The following EPB41L4A variants were observed in gnomAD, a reference collection of about 807,000 sequenced individuals.
EPB41L4A encodes erythrocyte membrane protein band 4.1 like 4A.
Under a neutral mutation model 108.6 loss-of-function variants are expected in EPB41L4A, and 100 were observed. The observed-to-expected ratio is 0.92, with a 90% CI of 0.78 to 1.09. EPB41L4A has a LOEUF of 1.09. Ranked by LOEUF, EPB41L4A falls within the 50% of genes least tolerant of loss-of-function variation. The pLI is 0.00. For missense variants in EPB41L4A, 1,030 were observed against 842.7 expected (o/e 1.22, Z -2.75); for synonymous variants, 319 against 289.0 (o/e 1.10, Z -1.05).
chr5:112,405,116 G>T lies in EPB41L4A; in HGVS notation c.99+13825C>A, dbSNP rs1401747417. ...AAATGACAGGATGTTATAAAAGACT[G>T]TGGCTTCCATCTTGAGCTCGCATTC... is the stretch of plus-strand genomic sequence containing the variant. On this transcript the variant is annotated intron_variant, in intron 1 of 22. Coordinates refer to ENST00000261486, the MANE Select transcript of EPB41L4A (RefSeq NM_022140.5). 2.6e-5 allele frequency among the ~76,000 whole-genome samples: 4 copies of T among 152,224 alleles called. No individual in the cohort carries two copies. The South Asian group carries it at 6.2e-4, about 24-fold the overall frequency.
At chr5:112,264,737 G>A (rs1352280019) in intron 6 of EPB41L4A, 159 bp downstream of exon 6, 2 of 625,692 alleles carry the variant, frequency 3.2e-6, no homozygotes, top group Non-Finnish European at 4.9e-6. Flanking sequence ...AGTTTTCGAT[G>A]AGCATTTTAG....
chr5:112,326,363 G>A (rs1756161467), intron 1 of EPB41L4A, among the ~76,000 whole-genome samples: 1 of 151,986 alleles, frequency 6.6e-6, no homozygotes, highest in Non-Finnish European at 1.5e-5. Flanking sequence ...CACACAAATA[G>A]TTCACCAGAG....
At chr5:112,325,202 G>A (rs1279404762) in intron 1 of EPB41L4A, among the ~76,000 whole-genome samples, 1 of 152,210 alleles carries the variant, frequency 6.6e-6, no homozygotes, top group Non-Finnish European at 1.5e-5. Flanking sequence ...AGTACTTTGG[G>A]AAGCTGAGGC....
intron 1 of EPB41L4A, among the ~76,000 whole-genome samples, chr5:112,357,831 T>G (rs1371338447): frequency 6.6e-6 from 1 of 152,214 alleles, no homozygotes; most frequent in Non-Finnish European, 1.5e-5. Flanking sequence ...GATGGACCAC[T>G]GAGAATGAGC....
At chr5:112,269,152 T>C (rs1042965285) in intron 4 of EPB41L4A, among the ~76,000 whole-genome samples, 17 of 151,952 alleles carry the variant, frequency 1.1e-4, no homozygotes, top group African/African-American at 3.9e-4. Flanking sequence ...TTCTAAAAAC[T>C]GGTAACATCA....
intron 9 of EPB41L4A, among the ~76,000 whole-genome samples, chr5:112,255,361 G>C (rs1751006113): frequency 6.6e-6 from 1 of 151,998 alleles, no homozygotes; most frequent in Admixed American, 6.6e-5. Flanking sequence ...TGGAATTCTG[G>C]GTTAATTTCT....
At position 112,164,426 on chromosome 5, in the gene EPB41L4A, T is replaced by C. The variant is rs1426130312; in HGVS notation, c.*564A>G. On this transcript the variant is annotated 3_prime_UTR_variant, in exon 23 of 23. Coordinates refer to ENST00000261486, the MANE Select transcript of EPB41L4A (RefSeq NM_022140.5). ...CAGATGCATCTGGTCTTGGTTGTGG[T>C]GGACACAGACACAAGATAGAAATGA... is the stretch of plus-strand genomic sequence containing the variant. 6.6e-6 allele frequency: 1 copy of C among 152,206 alleles called. No homozygotes were observed. The highest frequency in any genetic ancestry group is 1.9e-4 in the East Asian group (1 of 5,192). 9.4% of individuals were successfully genotyped at this position (152,206 alleles called of 1,614,324 possible). A position where few individuals can be genotyped will look rare whatever the true frequency, so the allele number is the denominator to read the frequency against.
intron 11 of EPB41L4A, among the ~76,000 whole-genome samples, chr5:112,237,536 C>T (rs1415769754): frequency 6.6e-6 from 1 of 152,114 alleles, no homozygotes. Flanking sequence ...CACCCAGATA[C>T]CTGCATTCAT....
intron 4 of EPB41L4A, among the ~76,000 whole-genome samples, chr5:112,269,937 A>G (rs1752144263): frequency 1.3e-5 from 2 of 152,132 alleles, no homozygotes; most frequent in Admixed American, 6.6e-5. Flanking sequence ...TCTGTACTTA[A>G]CACACTGCCA....
chr5:112,279,782 A>G (rs1191663122), intron 3 of EPB41L4A, among the ~76,000 whole-genome samples: 3 of 152,146 alleles, frequency 2.0e-5, no homozygotes, highest in Non-Finnish European at 4.4e-5. Context: ...GCTAGCTCCC[A>G]AAAATGGTCT....
chr5:112,167,055 T>C (rs1380370444), intron 22 of EPB41L4A, among the ~76,000 whole-genome samples: 1 of 149,232 alleles, frequency 6.7e-6, no homozygotes, highest in Non-Finnish European at 1.5e-5. Flanking sequence ...AGAATATGTG[T>C]AAGTTTTTTT....
chr5:112,165,655 T>A (rs574827433), intron 22 of EPB41L4A, among the ~76,000 whole-genome samples: 5 of 152,204 alleles, frequency 3.3e-5, no homozygotes, highest in Admixed American at 6.5e-5. Context: ...GCTCTGAGAA[T>A]GACACTAACT....
At chr5:112,268,117 C>T (rs1237683633) in intron 4 of EPB41L4A, among the ~76,000 whole-genome samples, 1 of 152,250 alleles carries the variant, frequency 6.6e-6, no homozygotes, top group Non-Finnish European at 1.5e-5. Context: ...CATGGTGGCT[C>T]ATGCCTGTAA....
At chr5:112,204,344 G>T in intron 15 of EPB41L4A, 31 bp downstream of exon 15, 1 of 1,462,560 alleles carries the variant, frequency 6.8e-7, no homozygotes, top group Non-Finnish European at 9.6e-7. Flanking sequence ...TCTGTTGAAA[G>T]CTGCTAACAG....
chr5:112,259,746 G>A (rs1751360903), intron 8 of EPB41L4A, 145 bp downstream of exon 8: 2 of 648,524 alleles, frequency 3.1e-6, no homozygotes, highest in South Asian at 1.9e-5. Flanking sequence ...AGGTGCAACA[G>A]GAGAAAACTC....
chr5:112,172,094 T>G (rs568921740), intron 18 of EPB41L4A, among the ~76,000 whole-genome samples: 1 of 152,142 alleles, frequency 6.6e-6, no homozygotes, highest in African/African-American at 2.4e-5. Flanking sequence ...GGGAAAAAAG[T>G]GATCTGTCTA....
Position 112,200,694 on chromosome 5 carries a change from G to A in EPB41L4A, c.1376+3681C>T, listed in dbSNP as rs1252920917. 2.6e-5 allele frequency among the ~76,000 whole-genome samples: 4 copies of A among 152,180 alleles called. No homozygotes were observed. In the East Asian group the frequency reaches 5.8e-4, roughly 22 times the overall value. On this transcript the variant is annotated intron_variant, in intron 15 of 22. Coordinates refer to ENST00000261486, the MANE Select transcript of EPB41L4A (RefSeq NM_022140.5). Reference sequence around the variant, plus strand: ...GACTTTCTTTTTCTAGAATAGGAACGTTTAAACAAGCAGGCTTCAGGGTCT... The same window carrying A: ...GACTTTCTTTTTCTAGAATAGGAACATTTAAACAAGCAGGCTTCAGGGTCT...
chr5:112,269,663 T>A (rs1430701724), intron 4 of EPB41L4A, among the ~76,000 whole-genome samples: 4 of 152,160 alleles, frequency 2.6e-5, no homozygotes. Context: ...TATTAATAAC[T>A]CACTTCATCA....
At chr5:112,146,191 C>T (rs916877258) in intron 12 of EPB41L4A, among the ~76,000 whole-genome samples, 2 of 152,164 alleles carry the variant, frequency 1.3e-5, no homozygotes, top group Admixed American at 6.5e-5. Flanking sequence ...TCAAGCATCG[C>T]GATCCTCAAA....
Sources: allele counts gnomAD v4.1 joint callset (sites outside exome capture counted in the v4.1 genomes callset), GRCh38; gene constraint gnomAD v4.1.1; transcripts MANE v1.5; gene names NCBI Gene and HGNC (gene_info 2026-07-23, HGNC 2026-07-21).